DOCK10: variants seen among roughly 807,000 people sequenced by gnomAD.
The protein encoded by DOCK10 is dedicator of cytokinesis protein 10.
A neutral mutation model predicts 280.1 loss-of-function variants in DOCK10; 145 were observed. The observed-to-expected ratio is 0.52, with a 90% CI of 0.45 to 0.59. DOCK10 has a LOEUF of 0.59. Among genes scored for constraint, DOCK10 ranks in the 20% least tolerant of loss-of-function variants. DOCK10 has a pLI of 0.00. For missense variants in DOCK10, 2,368 were observed against 2,651.7 expected, an observed-to-expected ratio of 0.89 and a Z score of 2.35; for synonymous variants, 915 against 942.2, an observed-to-expected ratio of 0.97 and a Z score of 0.53.
intron 8 of DOCK10, among the ~76,000 whole-genome samples, chr2:224,874,994 T>A: frequency 6.6e-6 from 1 of 152,342 alleles, no homozygotes; most frequent in African/African-American, 2.4e-5. Flanking sequence ...ACAAGAACTT[T>A]GGATTTTTAC....
At chr2:224,867,710 G>A (rs145626559) in intron 11 of DOCK10, among the ~76,000 whole-genome samples, 2 of 152,294 alleles carry the variant, frequency 1.3e-5, no homozygotes, top group Non-Finnish European at 2.9e-5. Flanking sequence ...TCAGAGTGGA[G>A]GAAAATGAAA....
At chr2:224,957,471 T>C (rs1193005823) in intron 1 of DOCK10, among the ~76,000 whole-genome samples, 1 of 152,090 alleles carries the variant, frequency 6.6e-6, no homozygotes, top group African/African-American at 2.4e-5. Context: ...TTAATTTTTT[T>C]TGAGGTGGGG....
At chr2:224,956,451 C>CTA (rs1418011558) in intron 1 of DOCK10, among the ~76,000 whole-genome samples, 1 of 151,980 alleles carries the variant, frequency 6.6e-6, no homozygotes, top group African/African-American at 2.4e-5. Context: ...TGGTGAAACT[C>CTA]TGTCTCTACT....
chr2:224,817,901 T>C (rs1694239702), intron 29 of DOCK10, among the ~76,000 whole-genome samples: 1 of 152,234 alleles, frequency 6.6e-6, no homozygotes, highest in South Asian at 2.1e-4. Flanking sequence ...AAATCCATTG[T>C]TCTTTTCAAA....
intron 1 of DOCK10, among the ~76,000 whole-genome samples, chr2:224,948,093 T>G (rs991550053): frequency 7.9e-5 from 12 of 152,176 alleles, no homozygotes; most frequent in African/African-American, 2.9e-4. Flanking sequence ...GCAGAAATAT[T>G]TGGAGGCCAC....
At position 224,874,074 on chromosome 2, in the gene DOCK10, T is replaced by C; in HGVS notation, c.1179A>G (p.Arg393=). 6.2e-7 allele frequency: 1 copy of C among 1,613,360 alleles called. No individual in the cohort carries two copies. The highest frequency in any genetic ancestry group is 8.5e-7 in the Non-Finnish European group (1 of 1,179,620). ...TGAGGGCTTTACAGATGATCATGAT[T>C]CTCTTGGCAGCTTTTTCTTCAAATG... The part of the protein sequence containing the change: ...IKPFEEKAAK[R]IMIICKALNS... Residue 393 remains arginine, a synonymous_variant, in exon 11 of 56, where the codon AGA becomes AGG. Transcript: ENST00000258390.
chr2:224,890,697 A>C (rs1375399680), intron 4 of DOCK10, among the ~76,000 whole-genome samples: 2 of 152,196 alleles, frequency 1.3e-5, no homozygotes, highest in East Asian at 3.8e-4. Flanking sequence ...AGGAACACAC[A>C]TGGTATGATT....
At position 224,948,488 on chromosome 2, in the gene DOCK10, C is replaced by A. The variant is rs114707614; in HGVS notation, c.124-16820G>T. ...CACCCTCAAAGTAACGCTTTGACAT[C>A]TGACAGATGAACAGGTATGTTATAG... On this transcript the variant is annotated intron_variant, in intron 1 of 55. Transcript: ENST00000258390. Among the ~76,000 whole-genome samples, 954 of 152,296 alleles carry A rather than the reference C, an allele frequency of 6.3e-3. 14 individuals are homozygous for A. Among genetic ancestry groups the A allele is most frequent in the African/African-American group, 0.021 (891 of 41,562 alleles).
In DOCK10 at chr2:224,982,377, C is replaced by G. The variant is rs146235324; in HGVS notation, c.124-50709G>C. ...CTGGCAGTGCAGCCCATCGCTGCAT[C>G]CTGGAGCCTACAAAATAACTTCTAT... is the stretch of plus-strand genomic sequence containing the variant. On this transcript the variant is annotated intron_variant, in intron 1 of 55. Coordinates refer to ENST00000258390, the MANE Select transcript of DOCK10 (RefSeq NM_014689.3). The G allele has an allele frequency of 1.4e-3, 1,678 of 1,231,836 alleles. 4 individuals carry two copies. The highest frequency in any genetic ancestry group is 1.4e-3 in the Non-Finnish European group (1,370 of 987,716). 76.3% of individuals were successfully genotyped at this position (1,231,836 alleles called of 1,614,324 possible). A position where few individuals can be genotyped will look rare whatever the true frequency, so the allele number is the denominator to read the frequency against.
rs931704961 is a variant in DOCK10 at position 224,963,008 on chromosome 2, T to A, written c.124-31340A>T. On this transcript the variant is annotated intron_variant, in intron 1 of 55. Coordinates refer to ENST00000258390, the MANE Select transcript of DOCK10 (RefSeq NM_014689.3). ...TTTGTATATAAACCCTGGTTACTAG[T>A]TTTTTTTGAAAAATTCGAGATCTGA... Among the ~76,000 whole-genome samples the A allele has an allele frequency of 6.0e-5, 9 of 150,960 alleles. 1 individual carries two copies. Among genetic ancestry groups the A allele is most frequent in the African/African-American group, 2.2e-4 (9 of 41,398 alleles).
chr2:225,026,306 T>C (rs1466079961), intron 1 of DOCK10, among the ~76,000 whole-genome samples: 1 of 152,158 alleles, frequency 6.6e-6, no homozygotes, highest in East Asian at 1.9e-4. Flanking sequence ...CAGGGCTATA[T>C]CATGATCAAA....
intron 1 of DOCK10, among the ~76,000 whole-genome samples, chr2:224,937,920 G>A (rs1559812563): frequency 1.3e-5 from 2 of 152,162 alleles, no homozygotes; most frequent in Non-Finnish European, 2.9e-5. Flanking sequence ...AAGTGAGCTT[G>A]TCGGCACTGG....
intron 22 of DOCK10, among the ~76,000 whole-genome samples, chr2:224,842,599 G>A (rs1010937394): frequency 6.6e-6 from 1 of 152,174 alleles, no homozygotes; most frequent in Admixed American, 6.5e-5. Context: ...GCGCGTGTGT[G>A]TGTGTGCCCT....
intron 1 of DOCK10, chr2:224,947,137 C>G: frequency 1.9e-6 from 2 of 1,065,250 alleles, no homozygotes; most frequent in Non-Finnish European, 1.3e-6. Flanking sequence ...CTGTGAGTAA[C>G]TAACTACCAG....
In DOCK10 at chr2:224,812,430, A is replaced by G. The variant is rs186119775; in HGVS notation, c.3409+1890T>C. ...CTAGATACACAATCATGTCAACTGCAAACAGGGACAATTTGACTTCCTCTT... is the reference window on the plus strand; with the variant it reads ...CTAGATACACAATCATGTCAACTGCGAACAGGGACAATTTGACTTCCTCTT... On this transcript the variant is annotated intron_variant, in intron 31 of 55. Coordinates refer to ENST00000258390, the MANE Select transcript of DOCK10 (RefSeq NM_014689.3). Among the ~76,000 whole-genome samples, 490 of 152,316 alleles carry G rather than the reference A, an allele frequency of 3.2e-3. 9 individuals are homozygous for G. The highest frequency in any genetic ancestry group is 0.011 in the African/African-American group (466 of 41,552).
intron 3 of DOCK10, among the ~76,000 whole-genome samples, chr2:224,903,505 T>C (rs1020735835): frequency 6.6e-6 from 1 of 152,180 alleles, no homozygotes; most frequent in Non-Finnish European, 1.5e-5. Flanking sequence ...GTTAAGGCAG[T>C]TGAATAAATT....
At chr2:225,026,994 G>A (rs756660850) in intron 1 of DOCK10, among the ~76,000 whole-genome samples, 1 of 152,170 alleles carries the variant, frequency 6.6e-6, no homozygotes, top group Non-Finnish European at 1.5e-5. Flanking sequence ...GAGTAGTGAT[G>A]ATTGAGTCCC....
In DOCK10 at chr2:225,042,367, C is replaced by G. The variant is rs768247548; in HGVS notation, c.8G>C (p.Gly3Ala). ...CCGGGTGAACCTGCGGGTCCGCTCA[C>G]CGGCCATCGCCGGTCACGCCAATCG... MA[G>A]ERTRRFTRSL... Residue 3 changes from glycine to alanine, a missense_variant, in exon 1 of 56, where the codon GGT becomes GCT. This residue lies in a region of DOCK10 where 1,209 missense variants were observed against 1,250.9 expected (regional missense o/e 0.97). Coordinates refer to ENST00000258390, the MANE Select transcript of DOCK10 (RefSeq NM_014689.3). This position sits in a 1 kb window ranked among gnomAD's most constrained non-coding sequence, Gnocchi z 5.1. The G allele has an allele frequency of 2.4e-6, 3 of 1,261,296 alleles. No homozygotes were observed. The South Asian group carries it at 8.6e-5, about 36-fold the overall frequency. The allele number at this position is 1,261,296 out of a possible 1,614,324, so 78.1% of individuals were successfully genotyped here. A position where few individuals can be genotyped will look rare whatever the true frequency, so the allele number is the denominator to read the frequency against.
At chr2:224,965,012 T>C (rs967547428) in intron 1 of DOCK10, among the ~76,000 whole-genome samples, 24 of 152,226 alleles carry the variant, frequency 1.6e-4, no homozygotes, top group African/African-American at 5.5e-4. Context: ...AATACCACTA[T>C]ATCAAATAAA....
Sources: gnomAD v4.1 joint callset for allele counts (sites outside exome capture counted in the v4.1 genomes callset) on GRCh38, gnomAD v4.1.1 for gene constraint, gnomAD v4.1.1 regional missense constraint, Gnocchi (gnomAD v3.1) non-coding constraint, MANE v1.5 for transcripts, NCBI Gene and HGNC (gene_info 2026-07-23, HGNC 2026-07-21) for gene names.